ASH1L: variants seen among roughly 807,000 people sequenced by gnomAD.
ASH1L encodes histone-lysine N-methyltransferase ASH1L.
Under a neutral mutation model 269.0 loss-of-function variants are expected in ASH1L, and 23 were observed. That is an observed-to-expected ratio of 0.09 (90% CI 0.06 to 0.12). The LOEUF is 0.12. Ranked by LOEUF, ASH1L falls within the 10% of genes least tolerant of loss-of-function variation. The pLI, the probability that ASH1L is intolerant of heterozygous loss-of-function variation, is 1.00. For synonymous variants in ASH1L, 1,187 were observed against 1,253.5 expected (o/e 0.95, Z 1.12); for missense variants, 2,912 against 3,567.8 (o/e 0.82, Z 4.68).
At chr1:155,341,278 G>A (rs1190759510) in intron 25 of ASH1L, among the ~76,000 whole-genome samples, 1 of 151,764 alleles carries the variant, frequency 6.6e-6, no homozygotes, top group Non-Finnish European at 1.5e-5. Context: ...CTGGGTTCAC[G>A]CTATTCTCCT....
chr1:155,432,797 A>G (rs1035931371), intron 5 of ASH1L, among the ~76,000 whole-genome samples: 1 of 152,126 alleles, frequency 6.6e-6, no homozygotes, highest in Non-Finnish European at 1.5e-5. Context: ...GTGCAGTGGT[A>G]CAATCTAGGC....
intron 5 of ASH1L, 139 bp downstream of exon 5, chr1:155,438,185 TAAG>T (rs970217824): frequency 1.1e-6 from 1 of 899,312 alleles, no homozygotes; most frequent in Non-Finnish European, 1.6e-6. Context: ...AAGCAATACA[TAAG>T]AACAGTTTTT....
intron 1 of ASH1L, among the ~76,000 whole-genome samples, chr1:155,533,717 C>CAA (rs569067721): frequency 1.0e-4 from 8 of 79,708 alleles, no homozygotes; most frequent in African/African-American, 2.8e-4. Context: ...GACTCCGTCT[C>CAA]AAAAAAAAAA....
chr1:155,547,431 A>G lies in ASH1L; in HGVS notation c.-100+14722T>C, dbSNP rs1405882503. Among the ~76,000 whole-genome samples the G allele has an allele frequency of 2.0e-5, 3 of 152,124 alleles. No individual in the cohort carries two copies. The East Asian group carries it at 5.8e-4, about 29-fold the overall frequency. On this transcript the variant is annotated intron_variant, in intron 1 of 27. Transcript: ENST00000392403. ...AAATATGGCACATATACACCACAGA[A>G]TACTATGTAGCCATAAAAAGGAATG...
chr1:155,496,131 G>A (rs1170844033), intron 2 of ASH1L, among the ~76,000 whole-genome samples: 1 of 152,124 alleles, frequency 6.6e-6, no homozygotes, highest in African/African-American at 2.4e-5. Flanking sequence ...ACATACAGCT[G>A]TACAAAATCT....
intron 6 of ASH1L, among the ~76,000 whole-genome samples, chr1:155,413,213 T>C (rs540335480): frequency 1.3e-5 from 2 of 152,216 alleles, no homozygotes; most frequent in Admixed American, 6.6e-5. Context: ...CCTAGAGTAA[T>C]GACCATTATT....
chr1:155,506,286 C>T (rs1023353801), intron 2 of ASH1L, among the ~76,000 whole-genome samples: 2 of 152,040 alleles, frequency 1.3e-5, no homozygotes, highest in Non-Finnish European at 2.9e-5. Flanking sequence ...AATTTTTTTC[C>T]AACAACTCTA....
intron 2 of ASH1L, among the ~76,000 whole-genome samples, chr1:155,483,749 T>C (rs1666114639): frequency 6.6e-6 from 1 of 151,484 alleles, no homozygotes; most frequent in Non-Finnish European, 1.5e-5. Context: ...CAAACAATTA[T>C]CTACAGAAAA....
At chr1:155,508,641 A>T (rs554217800) in intron 2 of ASH1L, among the ~76,000 whole-genome samples, 1 of 152,366 alleles carries the variant, frequency 6.6e-6, no homozygotes, top group South Asian at 2.1e-4. Context: ...CTCTAGTCTC[A>T]AAAGTAAAAA....
chr1:155,473,016 T>C lies in ASH1L; in HGVS notation c.4984+4870A>G, dbSNP rs1665224875. Reference sequence around the variant, plus strand: ...CACAAAGGTATACAGTATGTTTTGTTATTGTATGTGTTTCTATATAGTTAA... The same window carrying C: ...CACAAAGGTATACAGTATGTTTTGTCATTGTATGTGTTTCTATATAGTTAA... On this transcript the variant is annotated intron_variant, in intron 3 of 27. Coordinates refer to ENST00000392403, the MANE Select transcript of ASH1L (RefSeq NM_018489.3). Among the ~76,000 whole-genome samples, 2 of 152,242 alleles carry C rather than the reference T, an allele frequency of 1.3e-5. 1 individual carries two copies. The highest frequency in any genetic ancestry group is 4.1e-4 in the South Asian group (2 of 4,832).
chr1:155,422,207 G>A lies in ASH1L; in HGVS notation c.5829-6284C>T, dbSNP rs183425817. The stretch of plus-strand genomic sequence containing the variant: ...GGCTGGAGTGCAGTGGCACGATCTC[G>A]GCTCGCTGCAACCCTACCTCCTGGG... On this transcript the variant is annotated intron_variant, in intron 5 of 27. Coordinates refer to ENST00000392403, the MANE Select transcript of ASH1L (RefSeq NM_018489.3). Among the ~76,000 whole-genome samples the A allele has an allele frequency of 4.6e-3, 706 of 151,964 alleles. 3 individuals are homozygous for A. Among genetic ancestry groups the A allele is most frequent in the Non-Finnish European group, 7.4e-3 (504 of 67,974 alleles).
intron 2 of ASH1L, among the ~76,000 whole-genome samples, chr1:155,519,111 C>G (rs1203113670): frequency 6.6e-6 from 1 of 152,072 alleles, no homozygotes; most frequent in African/African-American, 2.4e-5. Context: ...GGATGTGAAC[C>G]AAGATTCCAT....
At chr1:155,499,757 C>T (rs758252224) in intron 2 of ASH1L, among the ~76,000 whole-genome samples, 3 of 151,964 alleles carry the variant, frequency 2.0e-5, no homozygotes, top group Non-Finnish European at 4.4e-5. Flanking sequence ...AAGCAGTATA[C>T]GAATTAGTGA....
At chr1:155,548,788 A>G (rs1671001775) in intron 1 of ASH1L, among the ~76,000 whole-genome samples, 1 of 152,192 alleles carries the variant, frequency 6.6e-6, no homozygotes, top group Non-Finnish European at 1.5e-5. Flanking sequence ...CTTTGGCTCT[A>G]AATAGCATCA....
chr1:155,468,924 T>C (rs570172454), intron 3 of ASH1L, among the ~76,000 whole-genome samples: 117 of 152,230 alleles, frequency 7.7e-4, no homozygotes, highest in African/African-American at 2.7e-3. Flanking sequence ...ACAATGTCAT[T>C]GTAAGGAAAA....
intron 1 of ASH1L, among the ~76,000 whole-genome samples, chr1:155,530,564 A>C (rs1669603400): frequency 2.8e-5 from 1 of 35,300 alleles, no homozygotes; most frequent in Admixed American, 4.8e-4. Flanking sequence ...CGTCTCTACT[A>C]AAAAAAAAAA....
chr1:155,528,387 C>A (rs1172827360), intron 1 of ASH1L, among the ~76,000 whole-genome samples: 1 of 151,732 alleles, frequency 6.6e-6, no homozygotes, highest in East Asian at 1.9e-4. Flanking sequence ...ACTCTGACAG[C>A]TATTAGATCC....
chr1:155,420,318 CA>C (rs201923201), intron 5 of ASH1L, among the ~76,000 whole-genome samples: 7 of 52,342 alleles, frequency 1.3e-4, no homozygotes, highest in Non-Finnish European at 2.2e-4. Context: ...GACTCCATCT[CA>C]AAAAAAAACA....
chr1:155,476,250 G>A (rs1665536092), intron 3 of ASH1L, among the ~76,000 whole-genome samples: 1 of 151,952 alleles, frequency 6.6e-6, no homozygotes. Context: ...GCCGGGTGTG[G>A]TGGCATGCAC....
Sources: allele counts gnomAD v4.1 joint callset (sites outside exome capture counted in the v4.1 genomes callset), GRCh38; gene constraint gnomAD v4.1.1; transcripts MANE v1.5; gene names NCBI Gene and HGNC (gene_info 2026-07-23, HGNC 2026-07-21).